Variants in CXADR observed in about 807,000 individuals in gnomAD.
CXADR encodes the protein CXADR cell adhesion molecule.
A neutral mutation model predicts 40.3 loss-of-function variants in CXADR; 20 were observed. The observed-to-expected ratio is 0.50, with a 90% CI of 0.35 to 0.72. CXADR has a LOEUF of 0.72. CXADR is among the 30% of genes least tolerant of loss of function. The pLI is 0.01. For synonymous variants in CXADR, 150 were observed against 161.3 expected (o/e 0.93, Z 0.53); for missense variants, 332 against 449.1 (o/e 0.74, Z 2.36).
chr21:17,549,248 T>C (rs1223672381), intron 2 of CXADR, among the ~76,000 whole-genome samples: 2 of 152,170 alleles, frequency 1.3e-5, no homozygotes, highest in Non-Finnish European at 2.9e-5. Context: ...ACAAGTGCAG[T>C]TGGGATTTGA....
At chr21:17,564,147 T>A (rs2061168667) in intron 6 of CXADR, among the ~76,000 whole-genome samples, 1 of 151,474 alleles carries the variant, frequency 6.6e-6, no homozygotes. Context: ...TTCTTCGGTA[T>A]CCATGGAGGA....
chr21:17,578,132 A>G, intron 7 of CXADR, among the ~76,000 whole-genome samples: 1 of 152,216 alleles, frequency 6.6e-6, no homozygotes, highest in Non-Finnish European at 1.5e-5. Flanking sequence ...TTCTGAAAAT[A>G]CCAAAAGATT....
At chr21:17,622,068 T>G in the CXADR span, among the ~76,000 whole-genome samples, 1 of 152,180 alleles carries the variant, frequency 6.6e-6, no homozygotes, top group African/African-American at 2.4e-5. Context: ...GGAGAAGGCA[T>G]AAACATAAAG....
At chr21:17,547,515 C>T (rs923406811) in intron 2 of CXADR, among the ~76,000 whole-genome samples, 7 of 152,134 alleles carry the variant, frequency 4.6e-5, no homozygotes, top group African/African-American at 1.7e-4. Flanking sequence ...TAGCAGAGGC[C>T]TAGATGGAGC....
intron 2 of CXADR, among the ~76,000 whole-genome samples, chr21:17,547,858 TC>T (rs2060918676): frequency 6.6e-6 from 1 of 152,154 alleles, no homozygotes; most frequent in South Asian, 2.1e-4. Flanking sequence ...ATTTAAAAAA[TC>T]TTAAAACATT....
the CXADR span, among the ~76,000 whole-genome samples, chr21:17,624,637 C>A: frequency 1.3e-5 from 2 of 152,286 alleles, no homozygotes; most frequent in East Asian, 3.9e-4. Context: ...CTAGGATAAT[C>A]TCTTTATCTT....
the CXADR span, among the ~76,000 whole-genome samples, chr21:17,605,886 A>C: frequency 5.3e-5 from 8 of 152,206 alleles, no homozygotes; most frequent in African/African-American, 1.9e-4. Flanking sequence ...TAGTTAAGTC[A>C]CTGTACCTCT....
intron 1 of CXADR, among the ~76,000 whole-genome samples, chr21:17,533,363 T>C (rs1038888178): frequency 1.3e-5 from 2 of 152,214 alleles, no homozygotes; most frequent in Non-Finnish European, 2.9e-5. Context: ...CAAACATTTC[T>C]CTACCATGGT....
chr21:17,610,982 G>A, the CXADR span, among the ~76,000 whole-genome samples: 1 of 152,152 alleles, frequency 6.6e-6, no homozygotes, highest in African/African-American at 2.4e-5. Flanking sequence ...TGGAGGGGAA[G>A]GCACACAAAT....
the CXADR span, among the ~76,000 whole-genome samples, chr21:17,630,711 G>T: frequency 3.0e-5 from 3 of 99,994 alleles, no homozygotes; most frequent in East Asian, 3.0e-4. Context: ...TGCATCTATT[G>T]TCATTAAAAA....
At chr21:17,593,086 T>C (rs2061455329) in intron 7 of CXADR, 1 of 1,263,620 alleles carries the variant, frequency 7.9e-7, no homozygotes, top group East Asian at 3.0e-5. Flanking sequence ...ATCTTAGTTT[T>C]TAAAAATTTA....
At chr21:17,579,102 G>A (rs2123374577) in intron 7 of CXADR, among the ~76,000 whole-genome samples, 1 of 152,252 alleles carries the variant, frequency 6.6e-6, no homozygotes, top group East Asian at 1.9e-4. Context: ...GCAAAGGTTA[G>A]TTTAAGATAG....
At chr21:17,563,465 CATTT>C (rs1178349559) in intron 6 of CXADR, among the ~76,000 whole-genome samples, 1 of 151,978 alleles carries the variant, frequency 6.6e-6, no homozygotes, top group Non-Finnish European at 1.5e-5. Flanking sequence ...ACACACACAA[CATTT>C]ATTAAGTTTG....
chr21:17,634,279 T>G, the CXADR span, among the ~76,000 whole-genome samples: 1 of 152,334 alleles, frequency 6.6e-6, no homozygotes, highest in African/African-American at 2.4e-5. Context: ...GGGCCTACCT[T>G]GGGCAGAATA....
chr21:17,586,395 T>TAA (rs1569159816), intron 7 of CXADR, among the ~76,000 whole-genome samples: 6 of 132,956 alleles, frequency 4.5e-5, no homozygotes, highest in East Asian at 2.2e-4. Context: ...TATATATATA[T>TAA]AATGTGTATA....
the CXADR span, among the ~76,000 whole-genome samples, chr21:17,599,444 T>G: frequency 6.7e-6 from 1 of 149,498 alleles, no homozygotes; most frequent in Non-Finnish European, 1.5e-5. Flanking sequence ...CTACCCAAAG[T>G]GCTAGAATTA....
At chr21:17,549,409 C>T (rs1430493048) in intron 2 of CXADR, among the ~76,000 whole-genome samples, 2 of 152,200 alleles carry the variant, frequency 1.3e-5, no homozygotes, top group South Asian at 2.1e-4. Flanking sequence ...CAGCAAAATA[C>T]TGTATTCACA....
the CXADR span, among the ~76,000 whole-genome samples, chr21:17,628,657 C>G: frequency 6.6e-6 from 1 of 152,164 alleles, no homozygotes; most frequent in Non-Finnish European, 1.5e-5. Flanking sequence ...CACGCCACCA[C>G]GCCCAGCTAA....
At chr21:17,551,611 C>T (rs2060969517) in intron 2 of CXADR, 138 bp from the exon 3 acceptor site, 2 of 672,850 alleles carry the variant, frequency 3.0e-6, no homozygotes, top group Non-Finnish European at 5.0e-6. Flanking sequence ...TTTATGTTTC[C>T]CCATAATACT....
Sources: allele counts gnomAD v4.1 joint callset (sites outside exome capture counted in the v4.1 genomes callset), GRCh38; gene constraint gnomAD v4.1.1; transcripts MANE v1.5; gene names NCBI Gene and HGNC (gene_info 2026-07-23, HGNC 2026-07-21).